The following C19orf44 variants were observed in gnomAD, a reference collection of about 807,000 sequenced individuals.
C19orf44 encodes the protein uncharacterized protein C19orf44.
In C19orf44, 43 loss-of-function variants were observed where a neutral mutation model predicts 50.7. The observed-to-expected ratio is 0.85, with a 90% CI of 0.66 to 1.09. The LOEUF is 1.09. Ranked by LOEUF, C19orf44 falls within the 50% of genes least tolerant of loss-of-function variation. C19orf44 has a pLI of 0.00. For missense variants in C19orf44, 722 were observed against 836.2 expected (o/e 0.86, Z 1.68); for synonymous variants, 298 against 334.7 (o/e 0.89, Z 1.20).
intron 3 of C19orf44, 64 bp downstream of exon 3, chr19:16,503,444 C>A: frequency 6.6e-7 from 1 of 1,512,150 alleles, no homozygotes; most frequent in Non-Finnish European, 9.0e-7. Flanking sequence ...CCTTTAGAGT[C>A]CCTGACGCAG....
In C19orf44 at chr19:16,513,108, A is replaced by C. The variant is rs746779305; in HGVS notation, c.1734A>C (p.Glu578Asp). 3.1e-6 allele frequency: 5 copies of C among 1,613,824 alleles called. No individual in the cohort carries two copies. The highest frequency in any genetic ancestry group is 4.2e-6 in the Non-Finnish European group (5 of 1,179,914). Residue 578 changes from glutamate (E) to aspartate (D), a missense_variant and splice_region_variant, in exon 6 of 9, where the codon GAA becomes GAC. Glu to Asp is a conservative substitution (Grantham distance 45). Transcript: ENST00000221671. ...ANHVISADAI[E>D]ALTAYSPAVL... ...ATGTTATCAGTGCAGATGCAATAGA[A>C]GGTAACAGCCCGGCTCGGGGGATCC... is the stretch of plus-strand genomic sequence containing the variant.
At chr19:16,497,296 A>T (rs2093412138) in intron 1 of C19orf44, among the ~76,000 whole-genome samples, 1 of 150,972 alleles carries the variant, frequency 6.6e-6, no homozygotes, top group Admixed American at 6.6e-5. Flanking sequence ...CAGTTCTTAC[A>T]AATGAAATGA....
At position 16,519,999 on chromosome 19, in the gene C19orf44, A is replaced by G; in HGVS notation, c.*41-95A>G. ...CTGCCTCAGGCTTCGCCAAGTGGCTACTGTGGTGAAGGGTGAGGGGTGCCA... is the reference window on the plus strand; with the variant it reads ...CTGCCTCAGGCTTCGCCAAGTGGCTGCTGTGGTGAAGGGTGAGGGGTGCCA... On this transcript the variant is annotated intron_variant, in intron 8 of 8. Coordinates refer to ENST00000221671, the MANE Select transcript of C19orf44 (RefSeq NM_032207.4). This position sits in a 1 kb window ranked among gnomAD's most constrained non-coding sequence, Gnocchi z 6.0. 1.2e-6 allele frequency: 1 copy of G among 829,480 alleles called. No homozygotes were observed. 51.4% of individuals were successfully genotyped at this position (829,480 alleles called of 1,614,324 possible).
intron 1 of C19orf44, chr19:16,499,488 C>G (rs565499207): frequency 6.6e-6 from 1 of 151,654 alleles, no homozygotes; most frequent in Non-Finnish European, 1.5e-5. Flanking sequence ...GGGGTTTCAC[C>G]GTGGTCTCGA....
intron 3 of C19orf44, among the ~76,000 whole-genome samples, chr19:16,506,454 G>A (rs1286491181): frequency 1.3e-5 from 2 of 152,042 alleles, no homozygotes; most frequent in Non-Finnish European, 2.9e-5. Flanking sequence ...TTAGCCGGGC[G>A]AGGTGTCAGG....
chr19:16,510,268 G>C (rs1041531048), intron 5 of C19orf44: 5 of 400,372 alleles, frequency 1.2e-5, no homozygotes, highest in Non-Finnish European at 2.4e-5. Context: ...TTAGCTGGCT[G>C]TGGTGGTGTG....
At chr19:16,507,556 A>G (rs1490452157) in intron 4 of C19orf44, among the ~76,000 whole-genome samples, 1 of 145,426 alleles carries the variant, frequency 6.9e-6, no homozygotes, top group Non-Finnish European at 1.5e-5. Flanking sequence ...CAATGGCTCG[A>G]TCTCGGCTCA....
In C19orf44 at chr19:16,520,659, G is replaced by A; in HGVS notation, c.*606G>A. ...AGCAACGGTACCAAGTTCCTAAATA[G>A]TGTGGCCGAGCCTGCTGCTGTGTGA... On this transcript the variant is annotated 3_prime_UTR_variant, in exon 9 of 9. Coordinates refer to ENST00000221671, the MANE Select transcript of C19orf44 (RefSeq NM_032207.4). This position sits in a 1 kb window ranked among gnomAD's most constrained non-coding sequence, Gnocchi z 4.0. 3 of 1,142,876 alleles carry A rather than the reference G, an allele frequency of 2.6e-6. 1 individual carries two copies. 70.8% of individuals were successfully genotyped at this position (1,142,876 alleles called of 1,614,324 possible).
At chr19:16,500,419 T>C (rs981678044) in intron 1 of C19orf44, among the ~76,000 whole-genome samples, 4 of 151,410 alleles carry the variant, frequency 2.6e-5, no homozygotes, top group African/African-American at 7.3e-5. Context: ...GTGGCAGGCA[T>C]GGTGGTGTGC....
rs761576423 is a variant in C19orf44 at position 16,503,336 on chromosome 19, C to G, written c.1031C>G (p.Thr344Ser). The part of the protein sequence containing the change: ...VSSPGRSEAE[T>S]VDEPVSEGAD... ...TCCCCGGGAAGGAGTGAGGCTGAGA[C>G]TGTGGACGAGCCAGTCTCAGAAGGT... is the stretch of plus-strand genomic sequence containing the variant. Residue 344 changes from threonine (T) to serine (S), a missense_variant, in exon 3 of 9, where the codon ACT becomes AGT. Transcript: ENST00000221671. 1 of 1,612,912 alleles carries G rather than the reference C, an allele frequency of 6.2e-7. No homozygotes were observed. The highest frequency in any genetic ancestry group is 1.1e-5 in the South Asian group (1 of 90,954).
At chr19:16,511,665 C>T (rs1599736597) in intron 5 of C19orf44, among the ~76,000 whole-genome samples, 1 of 152,002 alleles carries the variant, frequency 6.6e-6, no homozygotes, top group East Asian at 1.9e-4. Context: ...ACTGCCTCCT[C>T]CACCTCCTGG....
chr19:16,503,851 C>T, intron 3 of C19orf44, among the ~76,000 whole-genome samples: 1 of 152,152 alleles, frequency 6.6e-6, no homozygotes, highest in East Asian at 1.9e-4. Flanking sequence ...AAGTGTGAGC[C>T]ACTACACCTG....
intron 5 of C19orf44, 195 bp downstream of exon 5, chr19:16,510,183 G>C (rs768017820): frequency 4.2e-6 from 3 of 708,820 alleles, no homozygotes; most frequent in Non-Finnish European, 6.9e-6. Context: ...GAGGCGGGAG[G>C]ATCACTTGAG....
At chr19:16,513,446 C>T (rs893539648) in intron 6 of C19orf44, among the ~76,000 whole-genome samples, 2 of 151,598 alleles carry the variant, frequency 1.3e-5, no homozygotes, top group African/African-American at 2.4e-5. Flanking sequence ...TGCAGTGGCG[C>T]GATCTCCACT....
At position 16,501,385 on chromosome 19, in the gene C19orf44, C is replaced by A; in HGVS notation, c.593C>A (p.Thr198Asn). 1.9e-6 allele frequency: 3 copies of A among 1,613,846 alleles called. No individual in the cohort carries two copies. Among genetic ancestry groups the A allele is most frequent in the Non-Finnish European group, 2.5e-6 (3 of 1,179,956 alleles). Residue 198 changes from threonine to asparagine, a missense_variant, in exon 2 of 9, where the codon ACC becomes AAC. Physicochemically the swap from Thr to Asn is moderately conservative, Grantham distance 65. Coordinates refer to ENST00000221671, the MANE Select transcript of C19orf44 (RefSeq NM_032207.4). ...GCTGGGAAAGAGAGGACTTTGCAAA[C>A]CCCCAAACAGAAAGAACCTGCTAGA... Reference protein sequence around the residue: ...APAGKERTLQTPKQKEPARTF... With the variant: ...APAGKERTLQNPKQKEPARTF...
At chr19:16,497,167 C>G (rs1345265200) in intron 1 of C19orf44, among the ~76,000 whole-genome samples, 2 of 151,834 alleles carry the variant, frequency 1.3e-5, no homozygotes, top group African/African-American at 2.4e-5. Context: ...ACGCTGGTCT[C>G]GAACTCCTGA....
At chr19:16,510,026 A>G in intron 5 of C19orf44, 38 bp downstream of exon 5, 1 of 1,613,836 alleles carries the variant, frequency 6.2e-7, no homozygotes, top group East Asian at 2.2e-5. Context: ...GGCAGCCGGG[A>G]CAGGAGCTCA....
At position 16,501,585 on chromosome 19, in the gene C19orf44, A is replaced by G. The variant is rs778526412; in HGVS notation, c.759+34A>G. ...TTTTTTTTTTGGTAAATTTATTTTA[A>G]TTTATTTAATTTAATTTTTTTTTTG... is the stretch of plus-strand genomic sequence containing the variant. On this transcript the variant is annotated intron_variant, in intron 2 of 8. Coordinates refer to ENST00000221671, the MANE Select transcript of C19orf44 (RefSeq NM_032207.4). The G allele has an allele frequency of 5.5e-6, 7 of 1,270,736 alleles. No individual in the cohort carries two copies. In the South Asian group the frequency reaches 1.9e-4, roughly 35 times the overall value. 78.7% of individuals were successfully genotyped at this position (1,270,736 alleles called of 1,614,324 possible).
rs751838547 is a variant in C19orf44 at position 16,520,584 on chromosome 19, GACC to G, written c.*535_*537del. 44 of 1,503,050 alleles carry G rather than the reference GACC, an allele frequency of 2.9e-5. No individual in the cohort carries two copies. The highest frequency in any genetic ancestry group is 4.0e-5 in the Non-Finnish European group (44 of 1,105,202). 93.1% of individuals were successfully genotyped at this position (1,503,050 alleles called of 1,614,324 possible). On this transcript the variant is annotated 3_prime_UTR_variant, in exon 9 of 9. Coordinates refer to ENST00000221671, the MANE Select transcript of C19orf44 (RefSeq NM_032207.4). The surrounding 1 kb of genome is among the most constrained non-coding windows in gnomAD (Gnocchi z 4.0). ...GCCCACCCTGGCCCTCAGGTTCCTA[GACC>G]ACCCCAGATGCAGGGGCTCTGGCTG...
Sources: allele counts gnomAD v4.1 joint callset (sites outside exome capture counted in the v4.1 genomes callset), GRCh38; gene constraint gnomAD v4.1.1; non-coding constraint Gnocchi (gnomAD v3.1); transcripts MANE v1.5; gene names NCBI Gene and HGNC (gene_info 2026-07-23, HGNC 2026-07-21).